Variants in CFAP206 observed in about 807,000 individuals in gnomAD.
CFAP206 encodes the protein cilia- and flagella-associated protein 206.
Under a neutral mutation model 65.4 loss-of-function variants are expected in CFAP206, and 53 were observed. The ratio of observed to expected loss-of-function variants is 0.81; its 90% confidence interval spans 0.65 to 1.02. The LOEUF is 1.02. CFAP206 is among the 50% of genes least tolerant of loss of function. The pLI is 0.00. For missense variants in CFAP206, 663 were observed against 753.2 expected, an observed-to-expected ratio of 0.88 and a Z score of 1.40; for synonymous variants, 250 against 254.4, an observed-to-expected ratio of 0.98 and a Z score of 0.17.
intron 1 of CFAP206, among the ~76,000 whole-genome samples, chr6:87,409,633 A>G (rs1382810744): frequency 2.6e-5 from 4 of 151,958 alleles, no homozygotes; most frequent in East Asian, 1.9e-4. Context: ...TGAAATCCCA[A>G]TCGTTGTCTG....
At chr6:87,418,097 T>G (rs1458312592) in intron 6 of CFAP206, 111 bp from the exon 7 acceptor site, 27 of 922,062 alleles carry the variant, frequency 2.9e-5, no homozygotes, top group Non-Finnish European at 4.1e-5. Context: ...CTAATTTGAT[T>G]GGGGAGAAAA....
chr6:87,416,829 T>G lies in CFAP206; in HGVS notation c.631+2T>G. 2 of 1,611,878 alleles carry G rather than the reference T, an allele frequency of 1.2e-6. No homozygotes were observed. Among genetic ancestry groups the G allele is most frequent in the Non-Finnish European group, 1.7e-6 (2 of 1,178,430 alleles). ...AAGGAGGAGAAGGCATTGATGATTG[T>G]AGGTATATCATTAGATTAATTCTAA... is the stretch of plus-strand genomic sequence containing the variant. On this transcript the variant is annotated splice_donor_variant, in intron 6 of 12. Coordinates refer to ENST00000369562, the MANE Select transcript of CFAP206 (RefSeq NM_001031743.3). LOFTEE classifies it high-confidence loss of function.
At chr6:87,418,499 T>A in intron 7 of CFAP206, 83 bp downstream of exon 7, 1 of 1,191,462 alleles carries the variant, frequency 8.4e-7, no homozygotes. Flanking sequence ...ACCAGGTCAC[T>A]AATTAAGGAG....
chr6:87,421,281 T>C lies in CFAP206; in HGVS notation c.840+2865T>C, dbSNP rs1230010916. On this transcript the variant is annotated intron_variant, in intron 7 of 12. Coordinates refer to ENST00000369562, the MANE Select transcript of CFAP206 (RefSeq NM_001031743.3). ...CAGGCAGATCACCTGAGGTCAGAAG[T>C]TCGAGACCAGCCTGGCCAACATGGT... Among the ~76,000 whole-genome samples, 7 of 152,262 alleles carry C rather than the reference T, an allele frequency of 4.6e-5. No individual in the cohort carries two copies. In the East Asian group the frequency reaches 1.4e-3, roughly 29 times the overall value.
At position 87,464,048 on chromosome 6, in the gene CFAP206, C is replaced by G. The variant is rs1450431389; in HGVS notation, c.1667C>G (p.Ser556Ter). 4 of 1,612,576 alleles carry G rather than the reference C, an allele frequency of 2.5e-6. No individual in the cohort carries two copies. The highest frequency in any genetic ancestry group is 3.4e-6 in the Non-Finnish European group (4 of 1,179,054). ...AATTTGCGCCAGAAAGTTACTCACT[C>G]AGTACAAACTGATCTTAGTCACTTG... ...LANLRQKVTH[S>*]VQTDLSHLRR... Residue 556 changes from serine to a stop codon, truncating the protein, a stop_gained, in exon 13 of 13, where the codon TCA becomes TGA. Coordinates refer to ENST00000369562, the MANE Select transcript of CFAP206 (RefSeq NM_001031743.3). LOFTEE classifies it high-confidence loss of function.
rs545382803 is a variant in CFAP206 at position 87,458,739 on chromosome 6, G to C, written c.1495-2283G>C. On this transcript the variant is annotated intron_variant, in intron 11 of 12. Coordinates refer to ENST00000369562, the MANE Select transcript of CFAP206 (RefSeq NM_001031743.3). ...AGTTAAATAAAAGGCGTAAGATCTA[G>C]TATTTTATAGCACAACAGGGTGAGT... Among the ~76,000 whole-genome samples, 82 of 152,196 alleles carry C rather than the reference G, an allele frequency of 5.4e-4. No individual in the cohort carries two copies. In the South Asian group the frequency reaches 0.016, roughly 29 times the overall value.
intron 7 of CFAP206, among the ~76,000 whole-genome samples, chr6:87,424,699 C>T (rs1053458829): frequency 1.3e-5 from 2 of 152,110 alleles, no homozygotes; most frequent in Admixed American, 1.3e-4. Context: ...TTCAATGCGA[C>T]TTTTTTCTGT....
At chr6:87,408,785 C>T (rs1249232374) in intron 1 of CFAP206, 2 of 152,318 alleles carry the variant, frequency 1.3e-5, no homozygotes, top group Non-Finnish European at 2.9e-5. Context: ...CAAGGTCTCA[C>T]AGCTGGACAG....
intron 5 of CFAP206, 109 bp downstream of exon 5, chr6:87,415,983 G>T: frequency 3.7e-5 from 20 of 543,712 alleles, no homozygotes; most frequent in Non-Finnish European, 4.6e-5. Context: ...CTTTTTATCT[G>T]AAAAAAAAAA....
At chr6:87,412,553 G>T (rs1264298467) in intron 3 of CFAP206, among the ~76,000 whole-genome samples, 3 of 152,176 alleles carry the variant, frequency 2.0e-5, no homozygotes, top group Non-Finnish European at 4.4e-5. Context: ...GGGGCTCATA[G>T]GAGAAAACAG....
intron 11 of CFAP206, among the ~76,000 whole-genome samples, chr6:87,438,418 A>G (rs1417974896): frequency 1.3e-5 from 2 of 148,608 alleles, no homozygotes; most frequent in Non-Finnish European, 3.0e-5. Context: ...CTGAGATTGC[A>G]TCACTCCACT....
chr6:87,431,755 A>C (rs2127952140), intron 10 of CFAP206, among the ~76,000 whole-genome samples: 1 of 152,332 alleles, frequency 6.6e-6, no homozygotes, highest in South Asian at 2.1e-4. Context: ...ACAAAGTGAG[A>C]CTGTCTCAAA....
In CFAP206 at chr6:87,461,099, G is replaced by C. The variant is rs1691954887; in HGVS notation, c.1572G>C (p.Leu524=). The change falls in exon 12 of 13, where the codon CTG becomes CTC. Residue 524 remains leucine (L), a synonymous_variant. Transcript: ENST00000369562. ...ESSTQTNTHI[L]PPTIVRSYEW... ...GCACACAGACGAATACACACATACT[G>C]CCACCAACGATTGTGAGATCATATG... is the stretch of plus-strand genomic sequence containing the variant. 2 of 1,592,520 alleles carry C rather than the reference G, an allele frequency of 1.3e-6. No homozygotes were observed. Among genetic ancestry groups the C allele is most frequent in the Non-Finnish European group, 1.7e-6 (2 of 1,172,636 alleles).
chr6:87,447,413 G>A (rs2092647), intron 11 of CFAP206, among the ~76,000 whole-genome samples: 41,720 of 151,316 alleles, frequency 0.28, 5,938 homozygotes, highest in Admixed American at 0.38. Context: ...TGAATTCTAC[G>A]GAATTCAATA....
At chr6:87,408,796 T>C (rs1233622903) in intron 1 of CFAP206, 2 of 152,294 alleles carry the variant, frequency 1.3e-5, no homozygotes, top group Non-Finnish European at 2.9e-5. Flanking sequence ...AGCTGGACAG[T>C]GGTCGGGTCA....
At chr6:87,453,266 A>C (rs918694547) in intron 11 of CFAP206, among the ~76,000 whole-genome samples, 1 of 152,176 alleles carries the variant, frequency 6.6e-6, no homozygotes, top group Non-Finnish European at 1.5e-5. Flanking sequence ...AGGAAAAATA[A>C]AGACTTTCCC....
chr6:87,434,836 ATCTAAT>A lies in CFAP206; in HGVS notation c.1301-20_1301-15del, dbSNP rs1562248051. On this transcript the variant is annotated intron_variant, in intron 10 of 12. Transcript: ENST00000369562. ...TTCATAAGTGATCAAGACATTTCATATCTAATTCTTTTTTTATTTTCAGGAAATCCA... is the reference window on the plus strand; with the variant it reads ...TTCATAAGTGATCAAGACATTTCATATCTTTTTTTATTTTCAGGAAATCCA... The A allele has an allele frequency of 8.4e-7, 1 of 1,194,232 alleles. No homozygotes were observed. The highest frequency in any genetic ancestry group is 1.2e-6 in the Non-Finnish European group (1 of 849,188). The allele number at this position is 1,194,232 out of a possible 1,614,324, so 74.0% of individuals were successfully genotyped here. A position where few individuals can be genotyped will look rare whatever the true frequency, so the allele number is the denominator to read the frequency against.
At chr6:87,436,142 G>C (rs1022711374) in intron 11 of CFAP206, 1 of 145,700 alleles carries the variant, frequency 6.9e-6, no homozygotes, top group Middle Eastern at 3.5e-3. Context: ...CTGGAGTGCA[G>C]TGGTGTGATC....
chr6:87,425,260 A>G (rs1190225038), intron 7 of CFAP206, among the ~76,000 whole-genome samples: 1 of 152,218 alleles, frequency 6.6e-6, no homozygotes, highest in Admixed American at 6.5e-5. Context: ...CTTTTAAGAC[A>G]GATACAAATT....
Sources: allele counts gnomAD v4.1 joint callset (sites outside exome capture counted in the v4.1 genomes callset), GRCh38; gene constraint gnomAD v4.1.1; transcripts MANE v1.5; gene names NCBI Gene and HGNC (gene_info 2026-07-23, HGNC 2026-07-21).